CDH12: variants seen among roughly 807,000 people sequenced by gnomAD.
CDH12 encodes the protein cadherin-12.
CDH12 carries 41 observed loss-of-function variants against 74.1 expected under a neutral mutation model. That is an observed-to-expected ratio of 0.55 (90% CI 0.43 to 0.72). The LOEUF is 0.72. CDH12 is among the 30% of genes least tolerant of loss of function. The pLI is 0.00. For synonymous variants in CDH12, 399 were observed against 355.0 expected (o/e 1.12, Z -1.39); for missense variants, 945 against 977.2 (o/e 0.97, Z 0.44).
chr5:22,126,665 C>T (rs948990454), intron 4 of CDH12, among the ~76,000 whole-genome samples: 1 of 152,250 alleles, frequency 6.6e-6, no homozygotes, highest in African/African-American at 2.4e-5. Flanking sequence ...TTCCAGAATG[C>T]ATCCTATTCA....
At chr5:21,877,170 T>C (rs1047835931) in intron 6 of CDH12, among the ~76,000 whole-genome samples, 2 of 151,960 alleles carry the variant, frequency 1.3e-5, no homozygotes, top group African/African-American at 4.8e-5. Context: ...ACCATTGTAC[T>C]CTAGCCTGGG....
At chr5:22,453,208 T>C (rs1322558082) in intron 2 of CDH12, among the ~76,000 whole-genome samples, 2 of 152,072 alleles carry the variant, frequency 1.3e-5, no homozygotes, top group Non-Finnish European at 2.9e-5. Context: ...AAAATTACCA[T>C]ATGATCCCAC....
chr5:21,941,742 C>G (rs1755338815), intron 6 of CDH12, among the ~76,000 whole-genome samples: 1 of 152,118 alleles, frequency 6.6e-6, no homozygotes, highest in South Asian at 2.1e-4. Flanking sequence ...GGAAGACTCT[C>G]CATTTTGACT....
chr5:22,117,862 C>T lies in CDH12; in HGVS notation c.-186-39000G>A, dbSNP rs181847928. Among the ~76,000 whole-genome samples the T allele has an allele frequency of 1.6e-3, 239 of 151,732 alleles. 2 individuals are homozygous for T. The highest frequency in any genetic ancestry group is 5.6e-3 in the African/African-American group (232 of 41,390). On this transcript the variant is annotated intron_variant, in intron 4 of 14. Transcript: ENST00000382254. ...ATGAGAAAACCTTCCCTTGTTGTTT[C>T]CTTTAGAGTAGACTTAACATAGATA...
intron 2 of CDH12, among the ~76,000 whole-genome samples, chr5:22,498,738 G>C (rs939008971): frequency 6.6e-6 from 1 of 151,504 alleles, no homozygotes; most frequent in Non-Finnish European, 1.5e-5. Flanking sequence ...AATTGTATAA[G>C]TTTACAGGGT....
intron 14 of CDH12, among the ~76,000 whole-genome samples, chr5:21,754,782 T>C (rs1744292288): frequency 2.0e-5 from 3 of 152,184 alleles, no homozygotes; most frequent in Admixed American, 6.5e-5. Flanking sequence ...ATATCTGTTG[T>C]CATTTGATTT....
At chr5:22,599,417 A>G (rs138891356) in intron 1 of CDH12, among the ~76,000 whole-genome samples, 337 of 152,340 alleles carry the variant, frequency 2.2e-3, no homozygotes, top group African/African-American at 7.7e-3. Context: ...AATCTAGCCT[A>G]GAAATAATGC....
At chr5:22,111,417 T>G (rs1420771593) in intron 4 of CDH12, among the ~76,000 whole-genome samples, 1 of 152,198 alleles carries the variant, frequency 6.6e-6, no homozygotes, top group South Asian at 2.1e-4. Context: ...ACCAACCCTT[T>G]AGGCTCTGAT....
intron 3 of CDH12, among the ~76,000 whole-genome samples, chr5:22,299,792 TTTCC>T (rs1737788700): frequency 6.6e-6 from 1 of 152,198 alleles, no homozygotes; most frequent in Non-Finnish European, 1.5e-5. Flanking sequence ...GACATTTTTA[TTTCC>T]TTCATTCTTA....
chr5:22,020,360 C>A (rs1349903730), intron 5 of CDH12, among the ~76,000 whole-genome samples: 2 of 151,920 alleles, frequency 1.3e-5, no homozygotes, highest in Non-Finnish European at 1.5e-5. Context: ...TCAAGACCAG[C>A]CTGGCTAACA....
At chr5:22,564,472 CA>C (rs1454624687) in intron 1 of CDH12, among the ~76,000 whole-genome samples, 2 of 152,102 alleles carry the variant, frequency 1.3e-5, no homozygotes, top group Non-Finnish European at 2.9e-5. Context: ...TTGATATTAC[CA>C]AACATTATTA....
At chr5:22,007,982 A>G (rs1282591833) in intron 5 of CDH12, among the ~76,000 whole-genome samples, 5 of 152,178 alleles carry the variant, frequency 3.3e-5, no homozygotes, top group Non-Finnish European at 7.3e-5. Flanking sequence ...AGAGAGACAG[A>G]CACACAGGGA....
chr5:22,388,251 A>G (rs1580595711), intron 3 of CDH12, among the ~76,000 whole-genome samples: 1 of 152,120 alleles, frequency 6.6e-6, no homozygotes, highest in Non-Finnish European at 1.5e-5. Flanking sequence ...ACACTACAGT[A>G]TTAGAATAGA....
intron 3 of CDH12, among the ~76,000 whole-genome samples, chr5:22,344,529 C>T (rs1161584547): frequency 6.6e-6 from 1 of 152,008 alleles, no homozygotes; most frequent in Non-Finnish European, 1.5e-5. Flanking sequence ...GCATGAGACT[C>T]ATATTTCACC....
At chr5:22,531,476 T>A (rs1450923355) in intron 1 of CDH12, among the ~76,000 whole-genome samples, 1 of 152,086 alleles carries the variant, frequency 6.6e-6, no homozygotes, top group Non-Finnish European at 1.5e-5. Flanking sequence ...TAAATATATC[T>A]ATTGAATATT....
At chr5:22,717,745 T>A (rs78394331) in intron 1 of CDH12, among the ~76,000 whole-genome samples, 1 of 152,190 alleles carries the variant, frequency 6.6e-6, no homozygotes, top group African/African-American at 2.4e-5. Context: ...TTCTATTTGT[T>A]CTAAGAATAC....
At chr5:22,579,925 T>C (rs770422793) in intron 1 of CDH12, among the ~76,000 whole-genome samples, 5 of 152,164 alleles carry the variant, frequency 3.3e-5, no homozygotes, top group African/African-American at 9.6e-5. Context: ...ACCTTATGCA[T>C]TGACCTCTTC....
Position 22,674,781 on chromosome 5 carries a change from G to C in CDH12, c.-522-169417C>G, listed in dbSNP as rs374083325. ...CTGGAGCAAAGGTGACTTTTGTTATGTTTTAGCAAACAGACTGGTAGCATT... is the reference window on the plus strand; with the variant it reads ...CTGGAGCAAAGGTGACTTTTGTTATCTTTTAGCAAACAGACTGGTAGCATT... On this transcript the variant is annotated intron_variant, in intron 1 of 14. Transcript: ENST00000382254. Among the ~76,000 whole-genome samples the C allele has an allele frequency of 6.6e-5, 10 of 152,260 alleles. No individual in the cohort carries two copies. In the East Asian group the frequency reaches 1.5e-3, roughly 24 times the overall value.
chr5:21,948,020 A>G (rs1004500895), intron 6 of CDH12, among the ~76,000 whole-genome samples: 1 of 152,226 alleles, frequency 6.6e-6, no homozygotes, highest in Non-Finnish European at 1.5e-5. Flanking sequence ...ACAGAAGTCA[A>G]GAATTCAGGT....
Sources: allele counts gnomAD v4.1 joint callset (sites outside exome capture counted in the v4.1 genomes callset), GRCh38; gene constraint gnomAD v4.1.1; transcripts MANE v1.5; gene names NCBI Gene and HGNC (gene_info 2026-07-23, HGNC 2026-07-21).